Variants in CCDC102B observed in about 807,000 individuals in gnomAD.
CCDC102B encodes coiled-coil domain containing 102B, also known as coiled-coil domain-containing protein 102B.
Under a neutral mutation model 57.4 loss-of-function variants are expected in CCDC102B, and 75 were observed. That is an observed-to-expected ratio of 1.31 (90% CI 1.08 to 1.58). CCDC102B has a LOEUF of 1.58. Among genes scored for constraint, CCDC102B ranks in the 40% most tolerant of loss-of-function variants. CCDC102B has a pLI of 0.00. For missense variants in CCDC102B, 636 were observed against 582.6 expected, an observed-to-expected ratio of 1.09 and a Z score of -0.94; for synonymous variants, 206 against 201.9, an observed-to-expected ratio of 1.02 and a Z score of -0.17.
At chr18:68,785,157 T>G (rs2035155597) in intron 2 of CCDC102B, among the ~76,000 whole-genome samples, 1 of 152,038 alleles carries the variant, frequency 6.6e-6, no homozygotes, top group African/African-American at 2.4e-5. Context: ...GGACATGAAC[T>G]CATCCTTTTT....
chr18:68,879,426 G>A (rs1347236471), intron 5 of CCDC102B, among the ~76,000 whole-genome samples: 2 of 152,140 alleles, frequency 1.3e-5, no homozygotes, highest in Admixed American at 6.5e-5. Context: ...CTTTTATCTG[G>A]CCCCACCCAC....
chr18:68,846,493 G>T, intron 4 of CCDC102B, 72 bp downstream of exon 4: 4 of 937,950 alleles, frequency 4.3e-6, no homozygotes, highest in South Asian at 1.7e-5. Context: ...TAAGCATGTG[G>T]GCAGAAAGGC....
intron 7 of CCDC102B, among the ~76,000 whole-genome samples, chr18:69,030,047 GA>G (rs1236725443): frequency 6.6e-6 from 1 of 151,368 alleles, no homozygotes; most frequent in Non-Finnish European, 1.5e-5. Flanking sequence ...TTATTTAGTG[GA>G]AAAAATTATT....
intron 2 of CCDC102B, among the ~76,000 whole-genome samples, chr18:68,768,250 T>C (rs1026564738): frequency 2.0e-5 from 3 of 152,204 alleles, no homozygotes; most frequent in Non-Finnish European, 2.9e-5. Flanking sequence ...CAAAGACAGA[T>C]GGATTTCACT....
At chr18:68,930,841 A>G (rs2041647846) in intron 6 of CCDC102B, among the ~76,000 whole-genome samples, 1 of 151,994 alleles carries the variant, frequency 6.6e-6, no homozygotes, top group Admixed American at 6.6e-5. Flanking sequence ...GTTGAAAAGT[A>G]AACAGGAATA....
Position 68,837,381 on chromosome 18 carries a change from A to T in CCDC102B, c.606+12A>T. 1 of 1,595,512 alleles carries T rather than the reference A, an allele frequency of 6.3e-7. No homozygotes were observed. Among genetic ancestry groups the T allele is most frequent in the South Asian group, 1.1e-5 (1 of 87,954 alleles). On this transcript the variant is annotated intron_variant, in intron 2 of 7. Coordinates refer to ENST00000360242, the MANE Select transcript of CCDC102B (RefSeq NM_024781.3). ...ACACAAATAATAAGGTAAGAAAAAA[A>T]TCCAGAGATGATGTGAATTTCTGAA...
At chr18:68,831,028 G>T (rs1191304804) in intron 1 of CCDC102B, among the ~76,000 whole-genome samples, 1 of 151,664 alleles carries the variant, frequency 6.6e-6, no homozygotes, top group Non-Finnish European at 1.5e-5. Context: ...AAGTCACACT[G>T]GTCACTTTTT....
At chr18:68,766,955 T>C (rs1049003226) in intron 2 of CCDC102B, among the ~76,000 whole-genome samples, 5 of 152,036 alleles carry the variant, frequency 3.3e-5, no homozygotes, top group African/African-American at 1.2e-4. Flanking sequence ...ATAAATGCTG[T>C]TTTTCCCCAT....
chr18:68,838,785 A>G lies in CCDC102B; in HGVS notation c.686A>G (p.Asn229Ser), dbSNP rs778787878. The G allele has an allele frequency of 2.6e-5, 42 of 1,614,056 alleles. No homozygotes were observed. The highest frequency in any genetic ancestry group is 3.4e-5 in the Non-Finnish European group (40 of 1,179,946). The change falls in exon 3 of 8, where the codon AAT becomes AGT. Residue 229 changes from asparagine (N) to serine (S), a missense_variant. Asn to Ser is a conservative substitution (Grantham distance 46). Coordinates refer to ENST00000360242, the MANE Select transcript of CCDC102B (RefSeq NM_024781.3). ...CTAGATGGTGTTGATTTATTCAACAATGGTGGTTCTGGAAACGGTGAAACG... is the reference window on the plus strand; with the variant it reads ...CTAGATGGTGTTGATTTATTCAACAGTGGTGGTTCTGGAAACGGTGAAACG... ...PNLDGVDLFNNGGSGNGETKT... is the reference protein window; with the variant it reads ...PNLDGVDLFNSGGSGNGETKT...
At chr18:68,969,562 C>T (rs1661321365) in intron 6 of CCDC102B, among the ~76,000 whole-genome samples, 1 of 150,060 alleles carries the variant, frequency 6.7e-6, no homozygotes, top group Admixed American at 6.7e-5. Context: ...ACATGGTACA[C>T]AGTAGTTGCC....
chr18:69,024,107 G>T (rs538493247), intron 7 of CCDC102B, among the ~76,000 whole-genome samples: 1 of 151,898 alleles, frequency 6.6e-6, no homozygotes, highest in East Asian at 1.9e-4. Context: ...TGGGAAATAC[G>T]CTTTGGAGGT....
chr18:68,945,384 C>T (rs1416555063), intron 6 of CCDC102B, among the ~76,000 whole-genome samples: 2 of 151,918 alleles, frequency 1.3e-5, no homozygotes, highest in Non-Finnish European at 2.9e-5. Flanking sequence ...TTAATATTGT[C>T]AAGTTCATAT....
At chr18:68,751,026 C>A (rs2033829523) in intron 2 of CCDC102B, among the ~76,000 whole-genome samples, 1 of 151,502 alleles carries the variant, frequency 6.6e-6, no homozygotes, top group Non-Finnish European at 1.5e-5. Context: ...AGCTAAGGGG[C>A]AAATAATGAC....
At chr18:68,851,313 T>A (rs979415965) in intron 4 of CCDC102B, among the ~76,000 whole-genome samples, 1 of 152,292 alleles carries the variant, frequency 6.6e-6, no homozygotes, top group East Asian at 1.9e-4. Flanking sequence ...TGAAGTCTTA[T>A]CCATTATGAA....
At chr18:68,966,077 T>C (rs1401045826) in intron 6 of CCDC102B, among the ~76,000 whole-genome samples, 2 of 152,146 alleles carry the variant, frequency 1.3e-5, no homozygotes, top group African/African-American at 4.8e-5. Context: ...CCACGAACAC[T>C]GTGGTGTGGT....
chr18:68,759,275 A>T (rs1333118584), intron 2 of CCDC102B, among the ~76,000 whole-genome samples: 2 of 152,128 alleles, frequency 1.3e-5, no homozygotes, highest in African/African-American at 4.8e-5. Context: ...TTGAGATAAG[A>T]TAAAGAAGAA....
chr18:68,759,307 G>T (rs978659320), intron 2 of CCDC102B, among the ~76,000 whole-genome samples: 12 of 152,026 alleles, frequency 7.9e-5, no homozygotes, highest in African/African-American at 2.9e-4. Flanking sequence ...CAATAATCAA[G>T]AAAATTTTAT....
chr18:68,816,570 A>G (rs1228083759), intron 1 of CCDC102B, among the ~76,000 whole-genome samples: 1 of 144,912 alleles, frequency 6.9e-6, no homozygotes, highest in East Asian at 2.0e-4. Flanking sequence ...GATTCACGCC[A>G]TTCTCCTGCC....
In CCDC102B at chr18:68,986,711, C is replaced by CA. The variant is rs891456259; in HGVS notation, c.1264-24213dup. 3.4e-3 allele frequency among the ~76,000 whole-genome samples: 510 copies of CA among 149,060 alleles called. 1 individual carries two copies. The highest frequency in any genetic ancestry group is 4.9e-3 in the Non-Finnish European group (330 of 67,054). On this transcript the variant is annotated intron_variant, in intron 6 of 7. Transcript: ENST00000360242. The stretch of plus-strand genomic sequence containing the variant: ...CCTAGAACTGATAAAACAACAACAA[C>CA]AAAAAAAAAACTTCAAGTTTCAGGA...
Sources: gnomAD v4.1 joint callset for allele counts (sites outside exome capture counted in the v4.1 genomes callset) on GRCh38, gnomAD v4.1.1 for gene constraint, MANE v1.5 for transcripts, NCBI Gene and HGNC (gene_info 2026-07-23, HGNC 2026-07-21) for gene names.